MAST1: variants seen among roughly 807,000 people sequenced by gnomAD.
MAST1 encodes the protein microtubule-associated serine/threonine-protein kinase 1.
In MAST1, 40 loss-of-function variants were observed where a neutral mutation model predicts 124.6. The ratio of observed to expected loss-of-function variants is 0.32; its 90% CI spans 0.25 to 0.42. The LOEUF is 0.42. Among genes scored for constraint, MAST1 ranks in the 10% least tolerant of loss-of-function variants. MAST1 has a pLI of 1.00. For synonymous variants in MAST1, 938 were observed against 939.4 expected, an observed-to-expected ratio of 1.00 and a Z score of 0.03; for missense variants, 1,558 against 2,181.9, an observed-to-expected ratio of 0.71 and a Z score of 5.70.
In MAST1 at chr19:12,868,708, G is replaced by T. The variant is rs762856786; in HGVS notation, c.2632G>T (p.Ala878Ser). ...SKDGDASGPR[A>S]TNDLVLRRAR... ...GGATGGGGATGCATCAGGCCCAAGG[G>T]CTACCAATGACTTGGTTCTGCGCCG... The change falls in exon 21 of 26, where the codon GCT (alanine) becomes TCT (serine). Residue 878 changes from alanine (A) to serine (S), a missense_variant. Ala to Ser is a moderately conservative substitution (Grantham distance 99). This residue lies in a region of MAST1 where 287 missense variants were observed against 308.0 expected (regional missense o/e 0.93). Transcript: ENST00000251472. 1 of 1,613,214 alleles carries T rather than the reference G, an allele frequency of 6.2e-7. No homozygotes were observed. Among genetic ancestry groups the T allele is most frequent in the South Asian group, 1.1e-5 (1 of 90,938 alleles).
chr19:12,871,075 A>G lies in MAST1; in HGVS notation c.3166A>G (p.Asn1056Asp). The G allele has an allele frequency of 1.2e-6, 2 of 1,614,162 alleles. No homozygotes were observed. The highest frequency in any genetic ancestry group is 1.7e-6 in the Non-Finnish European group (2 of 1,180,030). The change falls in exon 24 of 26, where the codon AAT becomes GAT. Residue 1056 changes from asparagine to aspartate, a missense_variant. By Grantham distance (23) the Asn-to-Asp change is conservative. Coordinates refer to ENST00000251472, the MANE Select transcript of MAST1 (RefSeq NM_014975.3). Reference sequence around the variant, plus strand: ...AGCAGTGACCACAACGCCCTTCGAAAATACCTCTATCCGCATTGGTCCCGC... The same window carrying G: ...AGCAGTGACCACAACGCCCTTCGAAGATACCTCTATCCGCATTGGTCCCGC... ...KVAVTTTPFE[N>D]TSIRIGPARR...
intron 7 of MAST1, 112 bp downstream of exon 7, chr19:12,848,169 G>C: frequency 1.0e-6 from 1 of 975,390 alleles, no homozygotes; most frequent in Non-Finnish European, 1.5e-6. Flanking sequence ...CACGTTCCAG[G>C]CACTGGCGTG....
chr19:12,841,031 C>A lies in MAST1; in HGVS notation c.213C>A (p.Asn71Lys). ...PLDSPRNFSP[N>K]TPAHFSFASS... ...ACAGCCCCCGAAACTTCTCCCCCAA[C>A]ACCCCCGCCCACTTCTCGTTTGCCT... The change falls in exon 3 of 26, where the codon AAC (asparagine) becomes AAA (lysine). Residue 71 changes from asparagine (N) to lysine (K), a missense_variant. Asn to Lys is a moderately conservative substitution (Grantham distance 94). Transcript: ENST00000251472. The surrounding 1 kb of genome is among the most constrained non-coding windows in gnomAD (Gnocchi z 4.3). 1 of 1,524,570 alleles carries A rather than the reference C, an allele frequency of 6.6e-7. No individual in the cohort carries two copies. The highest frequency in any genetic ancestry group is 9.1e-7 in the Non-Finnish European group (1 of 1,097,960). The allele number at this position is 1,524,570 out of a possible 1,614,324, so 94.4% of individuals were successfully genotyped here.
In MAST1 at chr19:12,866,813, C is replaced by T. The variant is rs1970160761; in HGVS notation, c.2139+51C>T. On this transcript the variant is annotated intron_variant, in intron 18 of 25. Coordinates refer to ENST00000251472, the MANE Select transcript of MAST1 (RefSeq NM_014975.3). This position sits in a 1 kb window ranked among gnomAD's most constrained non-coding sequence, Gnocchi z 5.2. ...GGGCGAGACCCCAGGAGGGATGGGG[C>T]TTGGAGAGACAGTGAGAAACAGGTT... The T allele has an allele frequency of 8.3e-6, 12 of 1,441,768 alleles. No homozygotes were observed. Among genetic ancestry groups the T allele is most frequent in the Middle Eastern group, 1.7e-4 (1 of 5,730 alleles). 89.3% of individuals were successfully genotyped at this position (1,441,768 alleles called of 1,614,324 possible).
At chr19:12,870,526 G>T (rs572361742) in intron 22 of MAST1, among the ~76,000 whole-genome samples, 3 of 147,732 alleles carry the variant, frequency 2.0e-5, no homozygotes, top group Admixed American at 1.4e-4. Flanking sequence ...GCCGGAGGTA[G>T]TGGCGCATGC....
intron 7 of MAST1, among the ~76,000 whole-genome samples, chr19:12,849,987 AG>A (rs1442473854): frequency 6.6e-6 from 1 of 151,820 alleles, no homozygotes; most frequent in Non-Finnish European, 1.5e-5. Context: ...TAGTCGAGGC[AG>A]GGTTTCACCA....
chr19:12,841,075 C>T lies in MAST1; in HGVS notation c.248+9C>T. 1 of 1,477,266 alleles carries T rather than the reference C, an allele frequency of 6.8e-7. No individual in the cohort carries two copies. Among genetic ancestry groups the T allele is most frequent in the South Asian group, 1.1e-5 (1 of 88,284 alleles). The allele number at this position is 1,477,266 out of a possible 1,614,324, so 91.5% of individuals were successfully genotyped here. A position where few individuals can be genotyped will look rare whatever the true frequency, so the allele number is the denominator to read the frequency against. On this transcript the variant is annotated intron_variant, in intron 3 of 25. Transcript: ENST00000251472. The surrounding 1 kb of genome is among the most constrained non-coding windows in gnomAD (Gnocchi z 4.3). ...TTTGCCTCCTCCCGAAGGTGAGTCCCTCCCCTCCAGGGCCCCAGAACCCTG... is the reference window on the plus strand; with the variant it reads ...TTTGCCTCCTCCCGAAGGTGAGTCCTTCCCCTCCAGGGCCCCAGAACCCTG...
chr19:12,867,532 C>G lies in MAST1; in HGVS notation c.2198C>G (p.Ala733Gly), dbSNP rs1970170179. Residue 733 changes from alanine to glycine, a missense_variant, in exon 19 of 26, where the codon GCA (alanine) becomes GGA (glycine). Coordinates refer to ENST00000251472, the MANE Select transcript of MAST1 (RefSeq NM_014975.3). ...GAGCCCAAGACCCCAGTAGCAGCTG[C>G]AGGGAGCAGCAAGCGGGAGCCGAGC... ...QHEPKTPVAA[A>G]GSSKREPSTK... 6.2e-7 allele frequency: 1 copy of G among 1,613,656 alleles called. No homozygotes were observed. Among genetic ancestry groups the G allele is most frequent in the African/African-American group, 1.3e-5 (1 of 74,900 alleles).
At chr19:12,852,497 C>A in intron 10 of MAST1, 102 bp downstream of exon 10, 1 of 1,105,180 alleles carries the variant, frequency 9.0e-7, no homozygotes, top group Non-Finnish European at 1.4e-6. Flanking sequence ...ATCTCTTGGT[C>A]CTACACTCTG....
At chr19:12,864,673 G>A in intron 12 of MAST1, 136 bp from the exon 13 acceptor site, 1 of 1,120,008 alleles carries the variant, frequency 8.9e-7, no homozygotes, top group Non-Finnish European at 1.3e-6. Context: ...CCTGGAGGGA[G>A]GGAGGCCCCT....
intron 4 of MAST1, among the ~76,000 whole-genome samples, chr19:12,844,195 T>G (rs142986267): frequency 3.5e-4 from 54 of 152,298 alleles, no homozygotes; most frequent in Admixed American, 6.5e-4. Context: ...CTCTGTGAGT[T>G]AAGCCATTTA....
rs753370919 is a variant in MAST1 at position 12,841,037 on chromosome 19, C to T, written c.219C>T (p.Pro73=). ...DSPRNFSPNT[P]AHFSFASSRR... ...CCCGAAACTTCTCCCCCAACACCCC[C>T]GCCCACTTCTCGTTTGCCTCCTCCC... The change falls in exon 3 of 26, where the codon CCC becomes CCT. Residue 73 remains proline (P), a synonymous_variant. Coordinates refer to ENST00000251472, the MANE Select transcript of MAST1 (RefSeq NM_014975.3). This position sits in a 1 kb window ranked among gnomAD's most constrained non-coding sequence, Gnocchi z 4.3. The T allele has an allele frequency of 3.9e-6, 6 of 1,546,292 alleles. No individual in the cohort carries two copies. The highest frequency in any genetic ancestry group is 4.5e-6 in the Non-Finnish European group (5 of 1,117,962).
At chr19:12,848,459 AAC>A (rs141864314) in intron 7 of MAST1, 69 of 181,862 alleles carry the variant, frequency 3.8e-4, no homozygotes, top group South Asian at 1.4e-3. Flanking sequence ...CTCTACTAAA[AAC>A]ACACACACAC....
In MAST1 at chr19:12,865,251, G is replaced by A. The variant is rs1599588607; in HGVS notation, c.1639-65G>A. 6.9e-6 allele frequency: 11 copies of A among 1,587,000 alleles called. No individual in the cohort carries two copies. The highest frequency in any genetic ancestry group is 1.2e-5 in the South Asian group (1 of 86,184). ...GACCTCGGGAACCCAGGGCCTGGTG[G>A]GGGGCACAGCTCTCCCTTGAGGGCC... is the stretch of plus-strand genomic sequence containing the variant. On this transcript the variant is annotated intron_variant, in intron 14 of 25. Coordinates refer to ENST00000251472, the MANE Select transcript of MAST1 (RefSeq NM_014975.3). This position sits in a 1 kb window ranked among gnomAD's most constrained non-coding sequence, Gnocchi z 7.1.
chr19:12,871,311 A>C, intron 24 of MAST1, 139 bp downstream of exon 24: 1 of 1,313,064 alleles, frequency 7.6e-7, no homozygotes, highest in South Asian at 1.4e-5. Context: ...GAAGAGGACA[A>C]TTAAGAGGGG....
chr19:12,845,417 A>G (rs1969881269), intron 4 of MAST1, among the ~76,000 whole-genome samples: 1 of 147,880 alleles, frequency 6.8e-6, no homozygotes, highest in Non-Finnish European at 1.5e-5. Flanking sequence ...TCTACAAAAA[A>G]AAAAAAAAAA....
Position 12,866,121 on chromosome 19 carries a change from C to A in MAST1, c.2029+19C>A, listed in dbSNP as rs1205605328. The stretch of plus-strand genomic sequence containing the variant: ...TTTGACAGTGAGCTGGGACACCAGG[C>A]ACGACCTGGGTCGAGGGGTGGGATC... On this transcript the variant is annotated intron_variant, in intron 17 of 25. Coordinates refer to ENST00000251472, the MANE Select transcript of MAST1 (RefSeq NM_014975.3). The surrounding 1 kb of genome is among the most constrained non-coding windows in gnomAD (Gnocchi z 5.2). The A allele has an allele frequency of 6.2e-7, 1 of 1,613,598 alleles. No homozygotes were observed. The highest frequency in any genetic ancestry group is 8.5e-7 in the Non-Finnish European group (1 of 1,179,984).
Position 12,865,840 on chromosome 19 carries a change from G to A in MAST1, c.1906+22G>A. ...GCAGGTAAGTCCGCCATGCAGAGGA[G>A]CTGAGGGCCCACTGATAGAGAGCAG... On this transcript the variant is annotated intron_variant, in intron 16 of 25. Transcript: ENST00000251472. The surrounding 1 kb of genome is among the most constrained non-coding windows in gnomAD (Gnocchi z 7.1). 6.2e-7 allele frequency: 1 copy of A among 1,607,822 alleles called. No individual in the cohort carries two copies. Among genetic ancestry groups the A allele is most frequent in the South Asian group, 1.1e-5 (1 of 90,620 alleles).
chr19:12,865,976 C>T lies in MAST1; in HGVS notation c.1907-4C>T. The T allele has an allele frequency of 6.2e-7, 1 of 1,613,704 alleles. No individual in the cohort carries two copies. The highest frequency in any genetic ancestry group is 8.5e-7 in the Non-Finnish European group (1 of 1,179,942). ...AGCTGTGGCTGGAATCCCTTCCGTC[C>T]CAGGCGGCGCTTTTGAGGTGAAGCA... On this transcript the variant is annotated splice_region_variant and splice_polypyrimidine_tract_variant and intron_variant, in intron 16 of 25. Coordinates refer to ENST00000251472, the MANE Select transcript of MAST1 (RefSeq NM_014975.3). This position sits in a 1 kb window ranked among gnomAD's most constrained non-coding sequence, Gnocchi z 7.1.
Sources: allele counts gnomAD v4.1 joint callset (sites outside exome capture counted in the v4.1 genomes callset), GRCh38; gene constraint gnomAD v4.1.1; regional missense constraint gnomAD v4.1.1; non-coding constraint Gnocchi (gnomAD v3.1); transcripts MANE v1.5; gene names NCBI Gene and HGNC (gene_info 2026-07-23, HGNC 2026-07-21).